Variants in RNF24 observed in about 807,000 individuals in gnomAD.
RNF24 encodes ring finger protein 24.
Under a neutral mutation model 20.0 loss-of-function variants are expected in RNF24, and 14 were observed. That is an observed-to-expected ratio of 0.70 (90% confidence interval 0.46 to 1.10). The LOEUF (loss-of-function observed/expected upper bound fraction) is 1.10. Ranked by LOEUF, RNF24 falls within the 50% of genes least tolerant of loss-of-function variation. RNF24 has a pLI of 0.00. For missense variants in RNF24, 124 were observed against 177.6 expected (o/e 0.70, Z 1.71); for synonymous variants, 45 against 61.1 (o/e 0.74, Z 1.23).
At chr20:4,001,466 G>A (rs1165092369) in intron 1 of RNF24, among the ~76,000 whole-genome samples, 2 of 152,144 alleles carry the variant, frequency 1.3e-5, no homozygotes, top group African/African-American at 4.8e-5. Context: ...GTAGCTTTCT[G>A]TAAATTCAGG....
chr20:3,938,910 A>C (rs1028419575), intron 4 of RNF24, among the ~76,000 whole-genome samples: 25 of 151,704 alleles, frequency 1.6e-4, no homozygotes, highest in Non-Finnish European at 3.2e-4. Flanking sequence ...CACGACACCC[A>C]ACTAATTTTT....
intron 4 of RNF24, among the ~76,000 whole-genome samples, chr20:3,935,433 T>A (rs937401107): frequency 6.6e-6 from 1 of 152,212 alleles, no homozygotes; most frequent in African/African-American, 2.4e-5. Flanking sequence ...TGAGGCTCTC[T>A]GGGTTCTCCA....
intron 1 of RNF24, among the ~76,000 whole-genome samples, chr20:4,001,164 G>A (rs569233742): frequency 1.3e-5 from 2 of 152,254 alleles, no homozygotes; most frequent in Non-Finnish European, 1.5e-5. Context: ...CTACTTGGGA[G>A]TCTGAGGCAG....
At chr20:3,937,029 G>C (rs1367220173) in intron 4 of RNF24, among the ~76,000 whole-genome samples, 1 of 152,090 alleles carries the variant, frequency 6.6e-6, no homozygotes, top group African/African-American at 2.4e-5. Context: ...AGTAGAGACA[G>C]GGTTTCACCA....
rs2090820458 is a variant in RNF24 at position 3,931,373 on chromosome 20, G to A, written c.*2690C>T. 1 of 152,230 alleles carries A rather than the reference G, an allele frequency of 6.6e-6. No individual in the cohort carries two copies. The highest frequency in any genetic ancestry group is 2.1e-4 in the South Asian group (1 of 4,824). The allele number at this position is 152,230 out of a possible 1,614,324, so 9.4% of individuals were successfully genotyped here. The stretch of plus-strand genomic sequence containing the variant: ...AGTCTGAGCCAAGAGAGTTATAAAG[G>A]GGTCCCTAACTCATTCCTTTTTCAA... On this transcript the variant is annotated 3_prime_UTR_variant, in exon 6 of 6. Coordinates refer to ENST00000358395, the MANE Select transcript of RNF24 (RefSeq NM_001134337.3).
chr20:3,936,043 T>G (rs535526448), intron 4 of RNF24, among the ~76,000 whole-genome samples: 32 of 152,358 alleles, frequency 2.1e-4, no homozygotes, highest in Non-Finnish European at 4.4e-4. Context: ...ACTAGTTTCT[T>G]AACCTATAAC....
intron 1 of RNF24, among the ~76,000 whole-genome samples, chr20:3,966,507 T>TGTGTG (rs60638000): frequency 1.4e-5 from 2 of 145,324 alleles, no homozygotes; most frequent in East Asian, 2.1e-4. Flanking sequence ...TGTGTGTGTG[T>TGTGTG]TTGGGGAAAG....
At chr20:3,978,979 G>A (rs893743058) in intron 1 of RNF24, among the ~76,000 whole-genome samples, 11 of 151,546 alleles carry the variant, frequency 7.3e-5, no homozygotes, top group African/African-American at 2.4e-4. Context: ...GGTGGCGTGC[G>A]CCTGTAATCC....
intron 1 of RNF24, among the ~76,000 whole-genome samples, chr20:4,008,273 C>A (rs1310676216): frequency 7.5e-6 from 1 of 133,092 alleles, no homozygotes; most frequent in East Asian, 2.1e-4. Flanking sequence ...CAACTCCAAG[C>A]AGTCTGATGC....
At chr20:3,962,932 C>T (rs970903348) in intron 2 of RNF24, among the ~76,000 whole-genome samples, 3 of 151,954 alleles carry the variant, frequency 2.0e-5, no homozygotes, top group Admixed American at 6.6e-5. Flanking sequence ...AACTCCCGAC[C>T]TCAGGTAATC....
intron 1 of RNF24, among the ~76,000 whole-genome samples, chr20:4,004,458 A>C (rs2122135124): frequency 6.6e-6 from 1 of 152,306 alleles, no homozygotes; most frequent in South Asian, 2.1e-4. Context: ...ATTTCTTAAC[A>C]CAAGGAATCG....
chr20:3,937,825 T>C lies in RNF24; in HGVS notation c.229-2752A>G, dbSNP rs6052180. ...CATGGCTGAATAATATTCCACTGTA[T>C]GTATGTACCGCATTTTGTTTACCCA... On this transcript the variant is annotated intron_variant, in intron 4 of 5. Transcript: ENST00000358395. 6.0e-3 allele frequency among the ~76,000 whole-genome samples: 914 copies of C among 152,368 alleles called. 8 individuals are homozygous for C. Among genetic ancestry groups the C allele is most frequent in the African/African-American group, 0.02 (849 of 41,580 alleles).
chr20:4,000,523 C>T (rs576961441), intron 1 of RNF24, among the ~76,000 whole-genome samples: 1 of 151,126 alleles, frequency 6.6e-6, no homozygotes, highest in South Asian at 2.1e-4. Flanking sequence ...GAAACTCTGT[C>T]TCAAAAAAAA....
chr20:3,968,073 A>C (rs1218099481), intron 1 of RNF24, among the ~76,000 whole-genome samples: 1 of 151,560 alleles, frequency 6.6e-6, no homozygotes, highest in Non-Finnish European at 1.5e-5. Flanking sequence ...TGGGAGGCCC[A>C]GGTGGGCAGA....
intron 3 of RNF24, 74 bp downstream of exon 3, chr20:3,948,163 T>A (rs1253775980): frequency 9.5e-7 from 1 of 1,051,832 alleles, no homozygotes; most frequent in East Asian, 2.5e-5. Context: ...GTTTAACGTA[T>A]GAGTGGAAAT....
chr20:3,957,994 C>G (rs112864144), intron 2 of RNF24, among the ~76,000 whole-genome samples: 105 of 152,220 alleles, frequency 6.9e-4, no homozygotes, highest in African/African-American at 2.4e-3. Context: ...CTTTCAAACC[C>G]TTGCCACTCT....
At chr20:3,983,812 G>A (rs1245859553) in intron 1 of RNF24, among the ~76,000 whole-genome samples, 1 of 151,704 alleles carries the variant, frequency 6.6e-6, no homozygotes, top group African/African-American at 2.4e-5. Context: ...ATGGTGATGT[G>A]CACCTGTAGT....
chr20:3,985,232 CT>C (rs542913006), intron 1 of RNF24, among the ~76,000 whole-genome samples: 5 of 152,074 alleles, frequency 3.3e-5, no homozygotes, highest in Non-Finnish European at 5.9e-5. Context: ...AATGTTTTAG[CT>C]TTTTTTCATC....
At position 4,007,517 on chromosome 20, in the gene RNF24, G is replaced by A. The variant is rs571089020; in HGVS notation, c.-8+7920C>T. On this transcript the variant is annotated intron_variant, in intron 1 of 5. Coordinates refer to ENST00000358395, the MANE Select transcript of RNF24 (RefSeq NM_001134337.3). Reference sequence around the variant, plus strand: ...TTCCAGAAATAAGAAAACTTAATGTGGAATAACATGAAGAAAGAACCTCAC... The same window carrying A: ...TTCCAGAAATAAGAAAACTTAATGTAGAATAACATGAAGAAAGAACCTCAC... Among the ~76,000 whole-genome samples, 13 of 152,028 alleles carry A rather than the reference G, an allele frequency of 8.6e-5. No homozygotes were observed. In the South Asian group the frequency reaches 2.7e-3, roughly 32 times the overall value.
Sources: gnomAD v4.1 joint callset for allele counts (sites outside exome capture counted in the v4.1 genomes callset) on GRCh38, gnomAD v4.1.1 for gene constraint, MANE v1.5 for transcripts, NCBI Gene and HGNC (gene_info 2026-07-23, HGNC 2026-07-21) for gene names.